The following MRC1 variants were observed in gnomAD, a reference collection of about 807,000 sequenced individuals.
The protein encoded by MRC1 is macrophage mannose receptor 1.
Under a neutral mutation model 102.9 loss-of-function variants are expected in MRC1, and 62 were observed. The observed-to-expected ratio is 0.60, with a 90% confidence interval of 0.49 to 0.74. The LOEUF is 0.74. Ranked by LOEUF, MRC1 falls within the 30% of genes least tolerant of loss-of-function variation. The probability of loss-of-function intolerance (pLI) is 0.00; values close to 1 mark genes in which losing one functional copy is unlikely to be tolerated. For synonymous variants in MRC1, 457 were observed against 298.4 expected (o/e 1.53, Z -5.48); for missense variants, 1,237 against 862.8 (o/e 1.43, Z -5.43).
intron 4 of MRC1, among the ~76,000 whole-genome samples, chr10:17,834,724 T>G (rs1432382246): frequency 1.3e-5 from 2 of 152,148 alleles, no homozygotes; most frequent in Non-Finnish European, 2.9e-5. Flanking sequence ...AATGTGTTTG[T>G]TTTTAAAATA....
chr10:17,829,356 A>G (rs1281374253), intron 3 of MRC1, among the ~76,000 whole-genome samples: 1 of 151,494 alleles, frequency 6.6e-6, no homozygotes, highest in African/African-American at 2.5e-5. Context: ...TTATCACACT[A>G]AAAGTAAATT....
At chr10:17,824,531 A>T (rs924620662) in intron 2 of MRC1, among the ~76,000 whole-genome samples, 8 of 152,190 alleles carry the variant, frequency 5.3e-5, no homozygotes, top group Non-Finnish European at 8.8e-5. Flanking sequence ...AAGAAGGGAG[A>T]GTAGGAATTG....
intron 1 of MRC1, among the ~76,000 whole-genome samples, chr10:17,813,592 C>T (rs782011567): frequency 0.17 from 25,703 of 148,914 alleles, 2,339 homozygotes; most frequent in East Asian, 0.21. Context: ...ATCTAGAAGG[C>T]TGAGCTAACT....
At chr10:17,886,199 G>A (rs1833590357) in intron 22 of MRC1, among the ~76,000 whole-genome samples, 1 of 152,154 alleles carries the variant, frequency 6.6e-6, no homozygotes, top group Admixed American at 6.5e-5. Flanking sequence ...GTTGACATAC[G>A]TCTATGGTGT....
chr10:17,827,804 C>G, intron 3 of MRC1, 89 bp downstream of exon 3: 1 of 763,152 alleles, frequency 1.3e-6, no homozygotes, highest in Non-Finnish European at 2.5e-6. Flanking sequence ...GCATTTTTCC[C>G]CAAAGTTATT....
At chr10:17,854,476 G>A (rs1467806898) in intron 8 of MRC1, among the ~76,000 whole-genome samples, 4 of 152,248 alleles carry the variant, frequency 2.6e-5, no homozygotes, top group Admixed American at 2.6e-4. Context: ...CTTGGAGGAG[G>A]TGAAAGGTCA....
intron 7 of MRC1, among the ~76,000 whole-genome samples, chr10:17,850,568 C>T (rs1381478675): frequency 3.3e-5 from 5 of 152,094 alleles, no homozygotes; most frequent in South Asian, 2.1e-4. Flanking sequence ...CGAAGATGAG[C>T]GGCTTGAGAA....
rs553811382 is a variant in MRC1 at position 17,823,704 on chromosome 10, G to T, written c.463+229G>T. On this transcript the variant is annotated intron_variant, in intron 2 of 29. Transcript: ENST00000569591. ...TTCAGCTATTTTTACTTAATGGGAA[G>T]ACATTCTTTTAACTTTCTCTGAGGT... is the stretch of plus-strand genomic sequence containing the variant. 5.9e-5 allele frequency among the ~76,000 whole-genome samples: 9 copies of T among 152,272 alleles called. No homozygotes were observed. In the East Asian group the frequency reaches 1.2e-3, roughly 20 times the overall value.
At chr10:17,841,385 G>A (rs1838746878) in intron 5 of MRC1, among the ~76,000 whole-genome samples, 1 of 152,036 alleles carries the variant, frequency 6.6e-6, no homozygotes, top group East Asian at 1.9e-4. Context: ...AATAACATCG[G>A]CTTAAAAATA....
intron 1 of MRC1, among the ~76,000 whole-genome samples, chr10:17,810,236 T>C (rs1838202146): frequency 6.6e-6 from 1 of 152,224 alleles, no homozygotes; most frequent in South Asian, 2.1e-4. Flanking sequence ...TTCTCTATAC[T>C]CAGTTGCTTA....
At position 17,909,455 on chromosome 10, in the gene MRC1, A is replaced by G. The variant is rs1833940013; in HGVS notation, c.4120+108A>G. On this transcript the variant is annotated intron_variant, in intron 29 of 29. Coordinates refer to ENST00000569591, the MANE Select transcript of MRC1 (RefSeq NM_002438.4). ...CCAACTCCCCTGCTCTCTCAGTAGAATTTGCTTAAGCTAAACTATCCTTTG... is the reference window on the plus strand; with the variant it reads ...CCAACTCCCCTGCTCTCTCAGTAGAGTTTGCTTAAGCTAAACTATCCTTTG... 3 of 740,242 alleles carry G rather than the reference A, an allele frequency of 4.1e-6. No individual in the cohort carries two copies. The Admixed American group carries it at 6.1e-5, about 15-fold the overall frequency. The allele number at this position is 740,242 out of a possible 1,614,324, so 45.9% of individuals were successfully genotyped here. A position where few individuals can be genotyped will look rare whatever the true frequency, so the allele number is the denominator to read the frequency against.
chr10:17,863,267 G>A (rs986841341), intron 10 of MRC1, among the ~76,000 whole-genome samples: 2 of 152,112 alleles, frequency 1.3e-5, no homozygotes, highest in African/African-American at 2.4e-5. Context: ...TAGGCAGAGG[G>A]GCTGGTGAGG....
intron 26 of MRC1, among the ~76,000 whole-genome samples, chr10:17,905,839 G>A (rs1475023467): frequency 6.6e-6 from 1 of 152,036 alleles, no homozygotes; most frequent in Non-Finnish European, 1.5e-5. Flanking sequence ...CTCATCCTCT[G>A]TGCTTTAGTT....
chr10:17,841,069 C>G lies in MRC1; in HGVS notation c.916+263C>G, dbSNP rs1215359380. Among the ~76,000 whole-genome samples the G allele has an allele frequency of 2.0e-5, 3 of 152,216 alleles. No homozygotes were observed. In the South Asian group the frequency reaches 6.2e-4, roughly 32 times the overall value. Reference sequence around the variant, plus strand: ...GGTCTCTGTTTAAAGTTTCAGTTCTCAGAGTATCCCTGATGTGTTGGGTAC... The same window carrying G: ...GGTCTCTGTTTAAAGTTTCAGTTCTGAGAGTATCCCTGATGTGTTGGGTAC... On this transcript the variant is annotated intron_variant, in intron 5 of 29. Coordinates refer to ENST00000569591, the MANE Select transcript of MRC1 (RefSeq NM_002438.4).
intron 22 of MRC1, among the ~76,000 whole-genome samples, chr10:17,893,575 G>A (rs1214028939): frequency 6.6e-6 from 1 of 152,098 alleles, no homozygotes; most frequent in Non-Finnish European, 1.5e-5. Flanking sequence ...CAGGTATGAG[G>A]ATTAGAATGG....
chr10:17,909,713 T>G (rs1833943865), intron 29 of MRC1, among the ~76,000 whole-genome samples: 1 of 152,022 alleles, frequency 6.6e-6, no homozygotes, highest in African/African-American at 2.4e-5. Context: ...CTGATTTCAC[T>G]TCACTCATTT....
At chr10:17,875,303 G>A in intron 17 of MRC1, 50 bp downstream of exon 17, 1 of 775,672 alleles carries the variant, frequency 1.3e-6, no homozygotes. Context: ...TGGGGAACAG[G>A]TGTTGTTTGG....
intron 9 of MRC1, among the ~76,000 whole-genome samples, chr10:17,860,530 C>T (rs1401135218): frequency 1.7e-4 from 26 of 152,268 alleles, no homozygotes; most frequent in African/African-American, 5.1e-4. Flanking sequence ...CTCCCAACTT[C>T]GACTCCCAAA....
intron 21 of MRC1, among the ~76,000 whole-genome samples, chr10:17,883,870 T>G (rs919283249): frequency 5.3e-5 from 8 of 152,204 alleles, no homozygotes; most frequent in Non-Finnish European, 7.3e-5. Flanking sequence ...TTCAACCTTT[T>G]ATGTCTCTTG....
Sources: allele counts gnomAD v4.1 joint callset (sites outside exome capture counted in the v4.1 genomes callset), GRCh38; gene constraint gnomAD v4.1.1; transcripts MANE v1.5; gene names NCBI Gene and HGNC (gene_info 2026-07-23, HGNC 2026-07-21).